TMEM182: variants seen among roughly 807,000 people sequenced by gnomAD.
TMEM182 encodes transmembrane protein 182.
Under a neutral mutation model 26.8 loss-of-function variants are expected in TMEM182, and 20 were observed. The observed-to-expected ratio is 0.75, with a 90% CI of 0.53 to 1.09. The LOEUF is 1.09. Ranked by LOEUF, TMEM182 falls within the 50% of genes least tolerant of loss-of-function variation. TMEM182 has a pLI of 0.00. For synonymous variants in TMEM182, 109 were observed against 102.2 expected, an observed-to-expected ratio of 1.07 and a Z score of -0.40; for missense variants, 277 against 275.5, an observed-to-expected ratio of 1.01 and a Z score of -0.04.
chr2:102,824,845 A>C (rs558618807), intron 3 of TMEM182, among the ~76,000 whole-genome samples: 2 of 151,962 alleles, frequency 1.3e-5, no homozygotes, highest in East Asian at 1.9e-4. Flanking sequence ...CAAAACAAAA[A>C]AAAGATGTAT....
rs1682762764 is a variant in TMEM182, at chr2:102,816,585, A to G, written c.*1617A>G. 1.0e-6 allele frequency: 1 copy of G among 984,860 alleles called. No individual in the cohort carries two copies. Among genetic ancestry groups the G allele is most frequent in the Non-Finnish European group, 1.2e-6 (1 of 829,714 alleles). 61.0% of individuals were successfully genotyped at this position (984,860 alleles called of 1,614,324 possible). Reference sequence around the variant, plus strand: ...CCTAACTGGTTTCTCAAGTCATTTCAGTGATATCATTGAAACGTTTTTGTG... The same window carrying G: ...CCTAACTGGTTTCTCAAGTCATTTCGGTGATATCATTGAAACGTTTTTGTG... On this transcript the variant is annotated 3_prime_UTR_variant, in exon 5 of 5. Coordinates refer to ENST00000412401, the MANE Select transcript of TMEM182 (RefSeq NM_144632.5).
At chr2:102,827,910 G>A (rs1683066426) in intron 3 of TMEM182, among the ~76,000 whole-genome samples, 1 of 152,184 alleles carries the variant, frequency 6.6e-6, no homozygotes, top group East Asian at 1.9e-4. Context: ...GGCCAACATG[G>A]TGAAACCCCA....
At chr2:102,803,890 C>T (rs756496592) in intron 4 of TMEM182, among the ~76,000 whole-genome samples, 27 of 151,250 alleles carry the variant, frequency 1.8e-4, no homozygotes, top group Admixed American at 2.6e-4. Flanking sequence ...TGCAGGCACA[C>T]GCAGCCCTGC....
At chr2:102,796,552 C>CACTCTGCAACTCGTAATTTCCAT (rs1681876808) in intron 3 of TMEM182, among the ~76,000 whole-genome samples, 1 of 152,210 alleles carries the variant, frequency 6.6e-6, no homozygotes, top group Admixed American at 6.5e-5. Context: ...TATTTGGCCA[C>CACTCTGCAACTCGTAATTTCCAT]ACTCTGCAAC....
At chr2:102,775,599 G>T (rs1272886693) in intron 3 of TMEM182, 1 of 152,152 alleles carries the variant, frequency 6.6e-6, no homozygotes, top group Non-Finnish European at 1.5e-5. Context: ...AAGTCAAATT[G>T]TCCCTGTTTG....
upstream of TMEM182, among the ~76,000 whole-genome samples, chr2:102,758,143 GCCGTTTT>G (rs879859993): frequency 2.3e-4 from 35 of 152,144 alleles, no homozygotes; most frequent in Non-Finnish European, 4.4e-4. Context: ...TAGCAATGGA[GCCGTTTT>G]ATTATAGGAT....
chr2:102,836,870 C>T (rs764352469), intron 3 of TMEM182, among the ~76,000 whole-genome samples: 4 of 152,230 alleles, frequency 2.6e-5, no homozygotes, highest in Non-Finnish European at 5.9e-5. Context: ...TGGCCTTATA[C>T]TGGGAATCCT....
Position 102,816,612 on chromosome 2 carries a change from T to G in TMEM182, c.*1644T>G. ...TGATATCATTGAAACGTTTTTGTGG[T>G]ACTTCCCTTTGTCTTTCACTGTTTC... is the stretch of plus-strand genomic sequence containing the variant. On this transcript the variant is annotated 3_prime_UTR_variant, in exon 5 of 5. Coordinates refer to ENST00000412401, the MANE Select transcript of TMEM182 (RefSeq NM_144632.5). 1.0e-6 allele frequency: 1 copy of G among 985,448 alleles called. No homozygotes were observed. The highest frequency in any genetic ancestry group is 1.2e-6 in the Non-Finnish European group (1 of 829,858). 61.0% of individuals were successfully genotyped at this position (985,448 alleles called of 1,614,324 possible).
chr2:102,751,361 A>T (rs1294534589), intron 1 of TMEM182, among the ~76,000 whole-genome samples: 1 of 152,078 alleles, frequency 6.6e-6, no homozygotes, highest in African/African-American at 2.4e-5. Flanking sequence ...TATTATGCAA[A>T]TAAGCTTTCA....
At chr2:102,814,223 T>A (rs1469443387) in intron 4 of TMEM182, among the ~76,000 whole-genome samples, 1 of 152,138 alleles carries the variant, frequency 6.6e-6, no homozygotes. Context: ...GCAGCATTAG[T>A]TAGCTGGGTT....
At chr2:102,743,345 G>T (rs1354004943) in intron 1 of TMEM182, among the ~76,000 whole-genome samples, 1 of 152,096 alleles carries the variant, frequency 6.6e-6, no homozygotes, top group Non-Finnish European at 1.5e-5. Flanking sequence ...ATTAAAACCA[G>T]AGAAGGGCCA....
intron 1 of TMEM182, among the ~76,000 whole-genome samples, chr2:102,739,646 T>G (rs966210629): frequency 3.3e-5 from 5 of 152,184 alleles, no homozygotes; most frequent in Admixed American, 3.3e-4. Flanking sequence ...TAGCTCCTCC[T>G]TTGCTTCCAC....
At chr2:102,813,520 A>G (rs1426000715) in intron 4 of TMEM182, among the ~76,000 whole-genome samples, 2 of 152,208 alleles carry the variant, frequency 1.3e-5, no homozygotes, top group Non-Finnish European at 2.9e-5. Flanking sequence ...ACAAATAACA[A>G]GTGCTCTCAA....
chr2:102,785,373 A>G (rs1391754816), intron 3 of TMEM182, among the ~76,000 whole-genome samples: 2 of 152,224 alleles, frequency 1.3e-5, no homozygotes, highest in Non-Finnish European at 2.9e-5. Context: ...CTATTCTGGC[A>G]TAATAAACCA....
intron 3 of TMEM182, among the ~76,000 whole-genome samples, chr2:102,769,027 C>A (rs1680572871): frequency 1.3e-5 from 2 of 152,158 alleles, no homozygotes; most frequent in Non-Finnish European, 2.9e-5. Flanking sequence ...TCAACTGTTT[C>A]TTCTACCATC....
chr2:102,783,771 A>G (rs148670127), intron 3 of TMEM182, among the ~76,000 whole-genome samples: 3 of 152,304 alleles, frequency 2.0e-5, no homozygotes, highest in Non-Finnish European at 4.4e-5. Flanking sequence ...TAGCCTAAGC[A>G]ACATAGTGAG....
chr2:102,817,773 A>G (rs555244527), downstream of TMEM182: 2 of 910,814 alleles, frequency 2.2e-6, no homozygotes, highest in South Asian at 5.1e-5. Flanking sequence ...GTAAGTGTGC[A>G]TGTGTATTAT....
chr2:102,825,818 G>A (rs201174626), intron 3 of TMEM182, among the ~76,000 whole-genome samples: 2 of 152,060 alleles, frequency 1.3e-5, no homozygotes, highest in East Asian at 3.9e-4. Flanking sequence ...GGAGAGTTGA[G>A]GCAACTGAAA....
intron 3 of TMEM182, chr2:102,775,065 A>G (rs1248100853): frequency 6.6e-6 from 1 of 152,184 alleles, no homozygotes; most frequent in Non-Finnish European, 1.5e-5. Flanking sequence ...CCTGGGGAGA[A>G]TTGGTATCTT....
Sources: gnomAD v4.1 joint callset for allele counts (sites outside exome capture counted in the v4.1 genomes callset) on GRCh38, gnomAD v4.1.1 for gene constraint, MANE v1.5 for transcripts, NCBI Gene and HGNC (gene_info 2026-07-23, HGNC 2026-07-21) for gene names.